The following AK4 variants were observed in gnomAD, a reference collection of about 807,000 sequenced individuals.
AK4 encodes adenylate kinase 4, mitochondrial.
AK4 carries 13 observed loss-of-function variants against 24.6 expected under a neutral mutation model. That is an observed-to-expected ratio of 0.53 (90% confidence interval 0.34 to 0.84). AK4 has a LOEUF of 0.84. Among genes scored for constraint, AK4 ranks in the 40% least tolerant of loss-of-function variants. The pLI is 0.01. For synonymous variants in AK4, 88 were observed against 107.0 expected, an observed-to-expected ratio of 0.82 and a Z score of 1.10; for missense variants, 192 against 288.2, an observed-to-expected ratio of 0.67 and a Z score of 2.42.
chr1:65,160,817 A>G (rs1650134637), intron 1 of AK4, among the ~76,000 whole-genome samples: 1 of 152,106 alleles, frequency 6.6e-6, no homozygotes, highest in Admixed American at 6.5e-5. Flanking sequence ...CTGGTCTTGC[A>G]TTTCTGGCCT....
intron 1 of AK4, among the ~76,000 whole-genome samples, chr1:65,156,364 T>C (rs1282771257): frequency 2.6e-5 from 4 of 152,218 alleles, no homozygotes; most frequent in East Asian, 1.9e-4. Context: ...TTTTTTTTAA[T>C]GTACACATTT....
chr1:65,178,796 C>G (rs574673906), intron 1 of AK4, among the ~76,000 whole-genome samples: 74 of 152,270 alleles, frequency 4.9e-4, no homozygotes, highest in African/African-American at 1.6e-3. Context: ...ACCACAGTCG[C>G]ACTTGACTCT....
At position 65,212,272 on chromosome 1, in the gene AK4, G is replaced by A. The variant is rs193301407; in HGVS notation, c.266-6482G>A. 9.9e-5 allele frequency among the ~76,000 whole-genome samples: 15 copies of A among 152,168 alleles called. No homozygotes were observed. In the East Asian group the frequency reaches 2.9e-3, roughly 29 times the overall value. ...TGCCCTGCTTTTTAGGTAGGTAGAA[G>A]AAAGATAGACAGGGTAACATTTTAG... On this transcript the variant is annotated intron_variant, in intron 2 of 4. Transcript: ENST00000327299.
chr1:65,153,798 G>A lies in AK4; in HGVS notation c.145+5246G>A, dbSNP rs545703960. On this transcript the variant is annotated intron_variant, in intron 1 of 4. Transcript: ENST00000327299. ...TTCATACCGTAAACAATGAGCTTGT[G>A]ATGATTAGGAACAGGTTGTTCCAGG... Among the ~76,000 whole-genome samples, 3 of 152,282 alleles carry A rather than the reference G, an allele frequency of 2.0e-5. No homozygotes were observed. In the South Asian group the frequency reaches 6.2e-4, roughly 32 times the overall value.
intron 2 of AK4, among the ~76,000 whole-genome samples, chr1:65,206,507 G>GGCCC (rs1340271097): frequency 3.3e-5 from 5 of 152,252 alleles, no homozygotes; most frequent in Non-Finnish European, 7.3e-5. Flanking sequence ...CCAGCACTTT[G>GGCCC]AGAGGCCAAA....
At chr1:65,214,239 T>A (rs1652055661) in intron 2 of AK4, among the ~76,000 whole-genome samples, 1 of 152,130 alleles carries the variant, frequency 6.6e-6, no homozygotes, top group African/African-American at 2.4e-5. Flanking sequence ...GCCTCCTGAG[T>A]AGCTGAGATT....
chr1:65,206,048 C>T (rs970814776), intron 2 of AK4, among the ~76,000 whole-genome samples: 1 of 152,210 alleles, frequency 6.6e-6, no homozygotes, highest in African/African-American at 2.4e-5. Flanking sequence ...AACCCTTCCT[C>T]AGAAGGTCTG....
Position 65,171,791 on chromosome 1 carries a change from G to C in AK4, c.146-18919G>C, listed in dbSNP as rs574686413. ...GAATCTAATTATATACTTAGGGCTA[G>C]GCATGGTGGCTCATGCCTATAATCC... On this transcript the variant is annotated intron_variant, in intron 1 of 4. Coordinates refer to ENST00000327299, the MANE Select transcript of AK4 (RefSeq NM_013410.4). 9.9e-5 allele frequency among the ~76,000 whole-genome samples: 15 copies of C among 151,972 alleles called. No homozygotes were observed. The South Asian group carries it at 3.1e-3, about 32-fold the overall frequency.
intron 3 of AK4, among the ~76,000 whole-genome samples, chr1:65,223,706 T>C (rs1321599677): frequency 6.6e-6 from 1 of 151,832 alleles, no homozygotes; most frequent in Non-Finnish European, 1.5e-5. Context: ...ATCAAATACA[T>C]AAAACCAGCC....
At chr1:65,199,368 T>C (rs1458418295) in intron 2 of AK4, among the ~76,000 whole-genome samples, 1 of 152,068 alleles carries the variant, frequency 6.6e-6, no homozygotes, top group East Asian at 1.9e-4. Context: ...GCCAACATGG[T>C]GAAACCCCAT....
intron 1 of AK4, among the ~76,000 whole-genome samples, chr1:65,151,685 C>A (rs911657891): frequency 2.0e-5 from 3 of 152,200 alleles, no homozygotes; most frequent in Non-Finnish European, 4.4e-5. Context: ...AAATTCTAGA[C>A]AGTACATCTT....
intron 1 of AK4, among the ~76,000 whole-genome samples, chr1:65,159,777 G>A (rs1019029455): frequency 1.3e-5 from 2 of 152,042 alleles, no homozygotes; most frequent in Non-Finnish European, 2.9e-5. Context: ...AGACCAGCCT[G>A]GCCAATATGG....
rs771129711 is a variant in AK4, at chr1:65,190,781, A to G, written c.217A>G (p.Met73Val). 4 of 1,614,038 alleles carry G rather than the reference A, an allele frequency of 2.5e-6. No individual in the cohort carries two copies. Among genetic ancestry groups the G allele is most frequent in the Non-Finnish European group, 2.5e-6 (3 of 1,180,022 alleles). Residue 73 changes from methionine to valine, a missense_variant, in exon 2 of 5, where the codon ATG (methionine) becomes GTG (valine). Coordinates refer to ENST00000327299, the MANE Select transcript of AK4 (RefSeq NM_013410.4). Reference sequence around the variant, plus strand: ...TCCAGACCATGTGATCACACGCCTAATGATGTCCGAGTTGGAGAACAGGCG... The same window carrying G: ...TCCAGACCATGTGATCACACGCCTAGTGATGTCCGAGTTGGAGAACAGGCG... ...LVPDHVITRL[M>V]MSELENRRGQ...
chr1:65,192,453 G>A (rs1651336140), intron 2 of AK4, among the ~76,000 whole-genome samples: 1 of 152,164 alleles, frequency 6.6e-6, no homozygotes, highest in South Asian at 2.1e-4. Flanking sequence ...ACATTTCATT[G>A]CCAATTAAAT....
intron 2 of AK4, among the ~76,000 whole-genome samples, chr1:65,212,197 A>G (rs1357362974): frequency 6.6e-6 from 1 of 152,220 alleles, no homozygotes; most frequent in Non-Finnish European, 1.5e-5. Context: ...TATCTGGCAC[A>G]TAAGGGATGC....
chr1:65,192,847 A>T (rs1394000802), intron 2 of AK4, among the ~76,000 whole-genome samples: 3 of 152,172 alleles, frequency 2.0e-5, no homozygotes, highest in African/African-American at 7.2e-5. Context: ...AGTCTTAAAG[A>T]TGGGGAATAA....
intron 2 of AK4, among the ~76,000 whole-genome samples, chr1:65,217,259 A>G (rs1322488266): frequency 2.0e-5 from 3 of 152,200 alleles, no homozygotes; most frequent in Non-Finnish European, 2.9e-5. Context: ...AGGGGTTTCA[A>G]TGCAGTGCTG....
At chr1:65,182,040 A>G (rs1204642362) in intron 1 of AK4, among the ~76,000 whole-genome samples, 1 of 151,860 alleles carries the variant, frequency 6.6e-6, no homozygotes, top group East Asian at 1.9e-4. Context: ...TTCAATCTCC[A>G]GAGTCGCTGG....
intron 1 of AK4, chr1:65,154,582 G>A: frequency 1.9e-6 from 1 of 516,074 alleles, no homozygotes; most frequent in South Asian, 1.4e-5. Flanking sequence ...CCAGAAATGT[G>A]GCCTCAATAC....
Sources: allele counts gnomAD v4.1 joint callset (sites outside exome capture counted in the v4.1 genomes callset), GRCh38; gene constraint gnomAD v4.1.1; transcripts MANE v1.5; gene names NCBI Gene and HGNC (gene_info 2026-07-23, HGNC 2026-07-21).